METTL16: variants seen among roughly 807,000 people sequenced by gnomAD.
METTL16 encodes methyltransferase 16, RNA N6-adenosine, also known as RNA N(6)-adenosine-methyltransferase METTL16.
METTL16 carries 19 observed loss-of-function variants against 57.9 expected under a neutral mutation model. The observed-to-expected ratio is 0.33, with a 90% confidence interval of 0.23 to 0.48. The LOEUF is 0.48. Ranked by LOEUF, METTL16 falls within the 20% of genes least tolerant of loss-of-function variation. The pLI is 0.99. For synonymous variants in METTL16, 246 were observed against 255.6 expected, an observed-to-expected ratio of 0.96 and a Z score of 0.36; for missense variants, 434 against 691.5, an observed-to-expected ratio of 0.63 and a Z score of 4.18.
chr17:2,452,972 G>C (rs1277102940), intron 6 of METTL16, among the ~76,000 whole-genome samples: 1 of 152,028 alleles, frequency 6.6e-6, no homozygotes, highest in Non-Finnish European at 1.5e-5. Context: ...CGATTCTCCT[G>C]ACTCAGCCTC....
At chr17:2,433,083 CT>C (rs2066885608) in intron 8 of METTL16, among the ~76,000 whole-genome samples, 2 of 152,268 alleles carry the variant, frequency 1.3e-5, no homozygotes, top group Non-Finnish European at 2.9e-5. Flanking sequence ...GTATAGATAA[CT>C]GAAAGAGATC....
chr17:2,502,526 A>G (rs1401567594), intron 1 of METTL16, among the ~76,000 whole-genome samples, 195 bp from the exon 2 acceptor site: 1 of 152,108 alleles, frequency 6.6e-6, no homozygotes, highest in Non-Finnish European at 1.5e-5. Context: ...CTAAAAATAC[A>G]AAAAGTAGCC....
At chr17:2,492,126 G>A (rs1052604671) in intron 2 of METTL16, among the ~76,000 whole-genome samples, 1 of 151,530 alleles carries the variant, frequency 6.6e-6, no homozygotes, top group Non-Finnish European at 1.5e-5. Context: ...TAGGAGAATG[G>A]CGTGAACCTG....
chr17:2,441,334 T>A (rs1157419532), intron 7 of METTL16, among the ~76,000 whole-genome samples, 156 bp downstream of exon 7: 1 of 152,072 alleles, frequency 6.6e-6, no homozygotes, highest in African/African-American at 2.4e-5. Context: ...GCTTGGTGGG[T>A]AGGACATGCA....
chr17:2,502,206 C>T lies in METTL16; in HGVS notation c.126G>A (p.Val42=). The T allele has an allele frequency of 6.2e-7, 1 of 1,613,258 alleles. No individual in the cohort carries two copies. The highest frequency in any genetic ancestry group is 8.5e-7 in the Non-Finnish European group (1 of 1,179,736). ...QHVQINLNGR[V]SLNFKDPEAV... The stretch of plus-strand genomic sequence containing the variant: ...GTGATTTTTCATCCGTTACCTACCT[C>T]ACTCTTCCATTCAGATTTATCTGAA... The change falls in exon 2 of 10, where the codon GTG becomes GTA. Residue 42 remains valine (V), a splice_region_variant and synonymous_variant. Transcript: ENST00000263092.
intron 4 of METTL16, among the ~76,000 whole-genome samples, chr17:2,471,597 G>A (rs1168996119): frequency 6.6e-6 from 1 of 152,010 alleles, no homozygotes; most frequent in Admixed American, 6.6e-5. Flanking sequence ...AGACCATCCT[G>A]GCTAACATAG....
intron 3 of METTL16, chr17:2,475,288 G>A (rs371307601): frequency 6.6e-6 from 1 of 152,210 alleles, no homozygotes; most frequent in Non-Finnish European, 1.5e-5. Context: ...GGACAAGCAC[G>A]TCCTTGGATA....
intron 5 of METTL16, 112 bp downstream of exon 5, chr17:2,467,649 A>C: frequency 1.4e-6 from 1 of 727,248 alleles, no homozygotes; most frequent in East Asian, 2.9e-5. Context: ...GCTGGTCTCA[A>C]ACTCCTGACT....
At chr17:2,485,861 C>A (rs542445871) in intron 2 of METTL16, among the ~76,000 whole-genome samples, 107 of 152,166 alleles carry the variant, frequency 7.0e-4, no homozygotes, top group African/African-American at 2.5e-3. Flanking sequence ...CTATAAAAGA[C>A]AGGTAAAAGA....
chr17:2,431,170 A>C (rs1270208109), intron 8 of METTL16, among the ~76,000 whole-genome samples: 1 of 151,962 alleles, frequency 6.6e-6, no homozygotes, highest in Non-Finnish European at 1.5e-5. Context: ...TGGTCTCAAA[A>C]TCCTGACCTC....
chr17:2,426,209 A>AC (rs1233192517), intron 8 of METTL16, among the ~76,000 whole-genome samples: 9 of 151,738 alleles, frequency 5.9e-5, no homozygotes, highest in Non-Finnish European at 1.5e-5. Context: ...CAGAGAGGAG[A>AC]CCCCAGTGCA....
At chr17:2,493,151 C>G (rs1275977658) in intron 2 of METTL16, among the ~76,000 whole-genome samples, 1 of 129,816 alleles carries the variant, frequency 7.7e-6, no homozygotes, top group Admixed American at 8.5e-5. Flanking sequence ...TTTTTTGAGA[C>G]AATTTCAGCT....
chr17:2,470,323 C>A (rs537421684), intron 4 of METTL16, among the ~76,000 whole-genome samples: 1 of 152,016 alleles, frequency 6.6e-6, no homozygotes, highest in African/African-American at 2.4e-5. Flanking sequence ...AAAAAAACCC[C>A]AAAACGTGGT....
At chr17:2,505,943 T>C (rs938523443) in intron 1 of METTL16, among the ~76,000 whole-genome samples, 4 of 152,128 alleles carry the variant, frequency 2.6e-5, no homozygotes, top group Admixed American at 2.6e-4. Context: ...TGTGTCCTTC[T>C]ACCCTGACCA....
chr17:2,498,167 C>T (rs1205511493), intron 2 of METTL16, among the ~76,000 whole-genome samples: 3 of 150,416 alleles, frequency 2.0e-5, no homozygotes, highest in African/African-American at 7.4e-5. Flanking sequence ...GCACTCCAGC[C>T]TGGGCGACAG....
At chr17:2,451,726 C>A (rs2067071572) in intron 6 of METTL16, among the ~76,000 whole-genome samples, 1 of 151,882 alleles carries the variant, frequency 6.6e-6, no homozygotes, top group Non-Finnish European at 1.5e-5. Context: ...GAAGAGAAAT[C>A]GGGAGCAATT....
chr17:2,506,907 G>A (rs1160562713), intron 1 of METTL16, among the ~76,000 whole-genome samples: 1 of 151,502 alleles, frequency 6.6e-6, no homozygotes, highest in Admixed American at 6.6e-5. Context: ...CGCCCCGTCT[G>A]GGATGTGAGG....
intron 6 of METTL16, among the ~76,000 whole-genome samples, chr17:2,442,470 T>A (rs2066960597): frequency 2.1e-5 from 3 of 141,506 alleles, no homozygotes; most frequent in Non-Finnish European, 1.5e-5. Context: ...CAAGAGCAAA[T>A]GAAACCCAAG....
At chr17:2,425,192 T>G (rs1040325562) in intron 8 of METTL16, among the ~76,000 whole-genome samples, 8 of 152,218 alleles carry the variant, frequency 5.3e-5, no homozygotes, top group Admixed American at 5.2e-4. Context: ...CAAACACTAG[T>G]ACATAGAAGC....
Sources: allele counts gnomAD v4.1 joint callset (sites outside exome capture counted in the v4.1 genomes callset), GRCh38; gene constraint gnomAD v4.1.1; transcripts MANE v1.5; gene names NCBI Gene and HGNC (gene_info 2026-07-23, HGNC 2026-07-21).